The following FKTN variants were observed in gnomAD, a reference collection of about 807,000 sequenced individuals.
FKTN encodes the protein fukutin.
FKTN carries 47 observed loss-of-function variants against 58.6 expected under a neutral mutation model. The ratio of observed to expected loss-of-function variants is 0.80; its 90% CI spans 0.63 to 1.02. The LOEUF (loss-of-function observed/expected upper bound fraction) is 1.02. Ranked by LOEUF, FKTN falls within the 50% of genes least tolerant of loss-of-function variation. The pLI is 0.00. For synonymous variants in FKTN, 178 were observed against 191.9 expected (o/e 0.93, Z 0.60); for missense variants, 516 against 537.3 (o/e 0.96, Z 0.39).
At chr9:105,591,598 C>T (rs949650153) in intron 3 of FKTN, among the ~76,000 whole-genome samples, 4 of 152,176 alleles carry the variant, frequency 2.6e-5, no homozygotes, top group Non-Finnish European at 4.4e-5. Flanking sequence ...CACAACTGCT[C>T]TCATGGGCTG....
chr9:105,623,721 T>C (rs1182284004), intron 10 of FKTN, among the ~76,000 whole-genome samples: 2 of 152,226 alleles, frequency 1.3e-5, no homozygotes, highest in African/African-American at 4.8e-5. Flanking sequence ...CTGATGTGAC[T>C]GTAACTTAGT....
chr9:105,608,675 T>A (rs562044247), intron 7 of FKTN, among the ~76,000 whole-genome samples: 1 of 152,302 alleles, frequency 6.6e-6, no homozygotes, highest in South Asian at 2.1e-4. Flanking sequence ...GATACGAAAA[T>A]GAAGTATATA....
chr9:105,588,184 T>C (rs1844240749), intron 3 of FKTN, among the ~76,000 whole-genome samples: 2 of 152,214 alleles, frequency 1.3e-5, no homozygotes, highest in Non-Finnish European at 2.9e-5. Flanking sequence ...ACCTCCTACT[T>C]TCTGGATGCT....
chr9:105,619,079 T>C (rs1387315861), intron 9 of FKTN, among the ~76,000 whole-genome samples: 4 of 151,364 alleles, frequency 2.6e-5, no homozygotes, highest in African/African-American at 9.7e-5. Flanking sequence ...AAAAAAAGTT[T>C]AGTCACCAGA....
At chr9:105,567,550 A>C (rs1463838036) in intron 1 of FKTN, among the ~76,000 whole-genome samples, 1 of 152,238 alleles carries the variant, frequency 6.6e-6, no homozygotes, top group East Asian at 1.9e-4. Context: ...AATTGCTTCA[A>C]AGAGAATAAA....
At chr9:105,589,066 C>T (rs1406922781) in intron 3 of FKTN, among the ~76,000 whole-genome samples, 3 of 152,178 alleles carry the variant, frequency 2.0e-5, no homozygotes, top group African/African-American at 4.8e-5. Flanking sequence ...TCTCCAGAGA[C>T]GGATTAAACG....
At position 105,604,312 on chromosome 9, in the gene FKTN, C is replaced by A. The variant is rs1828456809; in HGVS notation, c.467C>A (p.Thr156Asn). Residue 156 changes from threonine to asparagine, a missense_variant, in exon 6 of 11, where the codon ACT (threonine) becomes AAT (asparagine). Thr to Asn is a moderately conservative substitution (Grantham distance 65). Transcript: ENST00000357998. Reference protein sequence around the residue: ...RLDGIDSLSGTEIPLHYICKL... With the variant: ...RLDGIDSLSGNEIPLHYICKL... The stretch of plus-strand genomic sequence containing the variant: ...GACGGGATAGACTCACTCTCTGGAA[C>A]TGAAATCCCCCTGCACTATATCTGC... 6.2e-7 allele frequency: 1 copy of A among 1,614,030 alleles called. No individual in the cohort carries two copies. The highest frequency in any genetic ancestry group is 8.5e-7 in the Non-Finnish European group (1 of 1,179,992).
At chr9:105,628,251 C>A (rs1832975615) in intron 10 of FKTN, among the ~76,000 whole-genome samples, 1 of 151,950 alleles carries the variant, frequency 6.6e-6, no homozygotes, top group African/African-American at 2.4e-5. Flanking sequence ...TCTGTTTATG[C>A]GTTTATATTT....
At chr9:105,609,276 CTTTTTTTAAAAT>C (rs1050894400) in intron 7 of FKTN, among the ~76,000 whole-genome samples, 1 of 151,914 alleles carries the variant, frequency 6.6e-6, no homozygotes, top group Non-Finnish European at 1.5e-5. Context: ...AGCCGCCTTT[CTTTTTTTAAAAT>C]AATTTTTAAA....
chr9:105,620,094 T>C, intron 10 of FKTN, 33 bp downstream of exon 10: 2 of 1,568,704 alleles, frequency 1.3e-6, no homozygotes, highest in Non-Finnish European at 1.8e-6. Flanking sequence ...TTTATAAAGG[T>C]ACTACAGAAA....
chr9:105,569,631 A>C (rs1330519709), intron 1 of FKTN, among the ~76,000 whole-genome samples: 2 of 152,142 alleles, frequency 1.3e-5, no homozygotes. Flanking sequence ...TTTCTTCTTC[A>C]TTGCCAGATC....
rs150720745 is a variant in FKTN, at chr9:105,603,234, A to G, written c.370-981A>G. Among the ~76,000 whole-genome samples, 42 of 152,286 alleles carry G rather than the reference A, an allele frequency of 2.8e-4. 1 individual carries two copies. The East Asian group carries it at 7.9e-3, about 29-fold the overall frequency. On this transcript the variant is annotated intron_variant, in intron 5 of 10. Transcript: ENST00000357998. ...AAATATTTCCTGAATTTGTCAGCTGATAATGCCTTTCTTTTATTCTATTCA... is the reference window on the plus strand; with the variant it reads ...AAATATTTCCTGAATTTGTCAGCTGGTAATGCCTTTCTTTTATTCTATTCA...
At chr9:105,563,932 C>T (rs576887502) in intron 1 of FKTN, among the ~76,000 whole-genome samples, 43 of 152,230 alleles carry the variant, frequency 2.8e-4, no homozygotes, top group African/African-American at 9.9e-4. Flanking sequence ...CTCACACAGC[C>T]GGGTACCCCT....
intron 3 of FKTN, among the ~76,000 whole-genome samples, chr9:105,576,245 C>T (rs1454988057): frequency 6.6e-6 from 1 of 150,706 alleles, no homozygotes; most frequent in Non-Finnish European, 1.5e-5. Context: ...TATACATTTG[C>T]CGTGCTGGTG....
At chr9:105,615,138 C>A in intron 7 of FKTN, 140 bp from the exon 8 acceptor site, 3 of 867,556 alleles carry the variant, frequency 3.5e-6, no homozygotes, top group African/African-American at 1.7e-5. Context: ...CCTGCCTTGG[C>A]TTCCCAAAGT....
At chr9:105,624,614 GA>G (rs1832522597) in intron 10 of FKTN, among the ~76,000 whole-genome samples, 1 of 130,186 alleles carries the variant, frequency 7.7e-6, no homozygotes, top group African/African-American at 2.9e-5. Flanking sequence ...CTAGGTGACA[GA>G]GCAAAACCAA....
intron 1 of FKTN, 48 bp from the exon 2 acceptor site, chr9:105,573,607 G>A (rs1278321210): frequency 3.3e-5 from 5 of 150,968 alleles, no homozygotes; most frequent in African/African-American, 1.2e-4. Context: ...CAGCCTGGAC[G>A]ACAAAGTGAG....
intron 7 of FKTN, among the ~76,000 whole-genome samples, chr9:105,609,862 A>G (rs1327802664): frequency 6.6e-6 from 1 of 152,196 alleles, no homozygotes; most frequent in Non-Finnish European, 1.5e-5. Context: ...TATCTTTACC[A>G]CTATGAAGTT....
rs1356233558 is a variant in FKTN at position 105,604,280 on chromosome 9, C to G, written c.435C>G (p.Pro145=). ...GCCTAAAGATTGAGAGTAAAGATCC[C>G]CGGCTAGACGGGATAGACTCACTCT... ...FQCLKIESKD[P]RLDGIDSLSG... is the part of the protein sequence containing the mutation. The change falls in exon 6 of 11, where the codon CCC becomes CCG. Residue 145 remains proline (P), a synonymous_variant. Transcript: ENST00000357998. The G allele has an allele frequency of 6.2e-7, 1 of 1,613,438 alleles. No homozygotes were observed. The highest frequency in any genetic ancestry group is 8.5e-7 in the Non-Finnish European group (1 of 1,179,964).
Sources: gnomAD v4.1 joint callset for allele counts (sites outside exome capture counted in the v4.1 genomes callset) on GRCh38, gnomAD v4.1.1 for gene constraint, MANE v1.5 for transcripts, NCBI Gene and HGNC (gene_info 2026-07-23, HGNC 2026-07-21) for gene names.